The following FMNL3 variants were observed in gnomAD, a reference collection of about 807,000 sequenced individuals.
FMNL3 encodes the protein formin like 3, also known as formin-like protein 3.
Under a neutral mutation model 119.6 loss-of-function variants are expected in FMNL3, and 57 were observed. The ratio of observed to expected loss-of-function variants is 0.48; its 90% CI spans 0.39 to 0.59. FMNL3 has a LOEUF of 0.59. Among genes scored for constraint, FMNL3 ranks in the 20% least tolerant of loss-of-function variants. FMNL3 has a pLI of 0.00. For synonymous variants in FMNL3, 491 were observed against 507.3 expected, an observed-to-expected ratio of 0.97 and a Z score of 0.43; for missense variants, 1,053 against 1,323.5, an observed-to-expected ratio of 0.80 and a Z score of 3.17.
rs1592630708 is a variant in FMNL3 at position 49,644,625 on chromosome 12, GTTTTGTT to G, written c.*1183_*1189del. ...TCCACCCAGGACCTAATGTACGTGTGTTTTGTTTTTTGTTTTTTAAATAACAATATTT... is the reference window on the plus strand; with the variant it reads ...TCCACCCAGGACCTAATGTACGTGTGTTTTGTTTTTTAAATAACAATATTT... On this transcript the variant is annotated 3_prime_UTR_variant, in exon 26 of 26. Transcript: ENST00000335154. 1 of 188,684 alleles carries G rather than the reference GTTTTGTT, an allele frequency of 5.3e-6. No individual in the cohort carries two copies. The highest frequency in any genetic ancestry group is 1.1e-5 in the Non-Finnish European group (1 of 88,328). The allele number at this position is 188,684 out of a possible 1,614,324, so 11.7% of individuals were successfully genotyped here.
rs201316473 is a variant in FMNL3, at chr12:49,652,033, G to A, written c.1503C>T (p.Ser501=). The change falls in exon 14 of 26, where the codon TCC becomes TCT. Residue 501 remains serine (S), a synonymous_variant. Coordinates refer to ENST00000335154, the MANE Select transcript of FMNL3 (RefSeq NM_175736.5). ...PAELSEGMPP[S]DLDLLAPAPP... ...GGGCTGGAGCCAGAAGGTCCAGGTC[G>A]GAGGGTGGCATGCCCTCACTCAGCT... The A allele has an allele frequency of 1.9e-5, 31 of 1,609,588 alleles. No homozygotes were observed. The highest frequency in any genetic ancestry group is 4.5e-5 in the East Asian group (2 of 44,792).
chr12:49,656,971 G>A (rs1026578486), intron 7 of FMNL3, 72 bp from the exon 8 acceptor site: 11 of 1,527,020 alleles, frequency 7.2e-6, no homozygotes, highest in Admixed American at 1.7e-5. Flanking sequence ...CTCCTTGACC[G>A]TAGGCCCACC....
At chr12:49,690,103 C>T (rs982193299) in intron 1 of FMNL3, among the ~76,000 whole-genome samples, 6 of 152,188 alleles carry the variant, frequency 3.9e-5, no homozygotes, top group African/African-American at 1.2e-4. Flanking sequence ...ACAGTATTCC[C>T]ACATTACAGA....
Position 49,651,307 on chromosome 12 carries a change from G to A in FMNL3, c.1673-15C>T. The A allele has an allele frequency of 6.2e-7, 1 of 1,609,672 alleles. No homozygotes were observed. Among genetic ancestry groups the A allele is most frequent in the Non-Finnish European group, 8.5e-7 (1 of 1,176,216 alleles). On this transcript the variant is annotated splice_polypyrimidine_tract_variant and intron_variant, in intron 15 of 25. Transcript: ENST00000335154. Reference sequence around the variant, plus strand: ...AATTCGAATGGCTAATTTGGAAGGAGGATCAGTGACACAGGGGCCAAGGAC... The same window carrying A: ...AATTCGAATGGCTAATTTGGAAGGAAGATCAGTGACACAGGGGCCAAGGAC...
chr12:49,695,504 CTG>C (rs1450205486), intron 1 of FMNL3, among the ~76,000 whole-genome samples: 1 of 152,136 alleles, frequency 6.6e-6, no homozygotes, highest in Non-Finnish European at 1.5e-5. Context: ...TTCATATTGC[CTG>C]TAAAAAAACA....
At position 49,645,814 on chromosome 12, in the gene FMNL3, C is replaced by T; in HGVS notation, c.*1G>A. Reference sequence around the variant, plus strand: ...GAAGTGCTTCTGCCTCCGAGAGGGTCTCAGTGGGGGCCTGGAGCCCGAGGG... The same window carrying T: ...GAAGTGCTTCTGCCTCCGAGAGGGTTTCAGTGGGGGCCTGGAGCCCGAGGG... On this transcript the variant is annotated 3_prime_UTR_variant, in exon 26 of 26. Transcript: ENST00000335154. The T allele has an allele frequency of 1.3e-6, 2 of 1,598,404 alleles. No homozygotes were observed. Among genetic ancestry groups the T allele is most frequent in the African/African-American group, 1.4e-5 (1 of 73,396 alleles).
chr12:49,653,916 C>G (rs760212217), intron 11 of FMNL3, 42 bp from the exon 12 acceptor site: 1 of 1,604,860 alleles, frequency 6.2e-7, no homozygotes, highest in Non-Finnish European at 8.5e-7. Flanking sequence ...TAGGAGCAGG[C>G]AGATCATCAG....
At position 49,679,932 on chromosome 12, in the gene FMNL3, C is replaced by T. The variant is rs1201135229; in HGVS notation, c.127-11378G>A. 3.3e-5 allele frequency among the ~76,000 whole-genome samples: 5 copies of T among 152,242 alleles called. No individual in the cohort carries two copies. In the East Asian group the frequency reaches 9.6e-4, roughly 29 times the overall value. ...GGAACCTGAAGCTTATAAACATCTA[C>T]TCTGGGCCAGGATGATGCTAGACCC... On this transcript the variant is annotated intron_variant, in intron 1 of 25. Transcript: ENST00000335154.
intron 1 of FMNL3, among the ~76,000 whole-genome samples, chr12:49,679,859 G>A (rs563637814): frequency 2.8e-4 from 43 of 152,256 alleles, no homozygotes; most frequent in African/African-American, 9.6e-4. Context: ...TGCGCCAACT[G>A]GGGGACCTGT....
chr12:49,645,966 G>A, intron 25 of FMNL3, 63 bp from the exon 26 acceptor site: 1 of 1,474,320 alleles, frequency 6.8e-7, no homozygotes, highest in Non-Finnish European at 9.3e-7. Context: ...GTGCCCTCAA[G>A]AGCAGCCCCA....
At position 49,643,214 on chromosome 12, in the gene FMNL3, T is replaced by C; in HGVS notation, c.*2601A>G. The C allele has an allele frequency of 6.2e-7, 1 of 1,613,898 alleles. No individual in the cohort carries two copies. The highest frequency in any genetic ancestry group is 8.5e-7 in the Non-Finnish European group (1 of 1,179,962). ...CTCTGCACTGACATGTATCTGCTGA[T>C]CTGCCCAGGGCTCTGAGTCAGAAGA... On this transcript the variant is annotated 3_prime_UTR_variant, in exon 26 of 26. Transcript: ENST00000335154.
intron 1 of FMNL3, among the ~76,000 whole-genome samples, chr12:49,674,653 A>C (rs1177129871): frequency 6.6e-6 from 1 of 152,326 alleles, no homozygotes; most frequent in African/African-American, 2.4e-5. Context: ...GGTGCTCCTT[A>C]AGTGTCTGTA....
Position 49,663,193 on chromosome 12 carries a change from C to T in FMNL3, c.369-1144G>A, listed in dbSNP as rs536907209. ...TTTCCTGTCTGTCTGCTCTCCAGCT[C>T]CCCACCCCCTTCTCATTTCCTGTCT... On this transcript the variant is annotated intron_variant, in intron 4 of 25. Transcript: ENST00000335154. Among the ~76,000 whole-genome samples the T allele has an allele frequency of 8.5e-5, 13 of 152,314 alleles. No homozygotes were observed. In the South Asian group the frequency reaches 2.5e-3, roughly 29 times the overall value.
chr12:49,692,764 G>T (rs1944640192), intron 1 of FMNL3, among the ~76,000 whole-genome samples: 1 of 152,140 alleles, frequency 6.6e-6, no homozygotes, highest in South Asian at 2.1e-4. Flanking sequence ...CAATCTGGGA[G>T]ATGCATAATA....
rs1299424478 is a variant in FMNL3, at chr12:49,644,073, G to C, written c.*1742C>G. On this transcript the variant is annotated 3_prime_UTR_variant, in exon 26 of 26. Coordinates refer to ENST00000335154, the MANE Select transcript of FMNL3 (RefSeq NM_175736.5). Reference sequence around the variant, plus strand: ...TTCCACGGCCCTTAGTGCAGGCTAAGGGTGAACTGTGCCTTTGCTCCAACA... The same window carrying C: ...TTCCACGGCCCTTAGTGCAGGCTAACGGTGAACTGTGCCTTTGCTCCAACA... The C allele has an allele frequency of 3.7e-6, 6 of 1,614,196 alleles. No homozygotes were observed. Among genetic ancestry groups the C allele is most frequent in the Non-Finnish European group, 5.1e-6 (6 of 1,180,044 alleles).
At chr12:49,664,935 C>A (rs977342226) in intron 4 of FMNL3, among the ~76,000 whole-genome samples, 14 of 151,986 alleles carry the variant, frequency 9.2e-5, no homozygotes, top group African/African-American at 3.4e-4. Context: ...CCCACCCCCA[C>A]CTGGGCCTCC....
intron 1 of FMNL3, among the ~76,000 whole-genome samples, chr12:49,697,652 AT>A (rs1944786418): frequency 6.6e-6 from 1 of 152,216 alleles, no homozygotes; most frequent in Non-Finnish European, 1.5e-5. Flanking sequence ...ACTTTAAATT[AT>A]GGAATTCTGA....
intron 1 of FMNL3, among the ~76,000 whole-genome samples, chr12:49,680,250 C>T (rs986570256): frequency 6.6e-6 from 1 of 152,206 alleles, no homozygotes; most frequent in Non-Finnish European, 1.5e-5. Context: ...TATTATAAAG[C>T]CATAAAACTT....
chr12:49,666,234 T>C (rs759088317), intron 2 of FMNL3, 27 bp from the exon 3 acceptor site: 2 of 1,598,618 alleles, frequency 1.3e-6, no homozygotes, highest in African/African-American at 1.3e-5. Flanking sequence ...CATATGCGTA[T>C]CCACAAAGAC....
Sources: allele counts gnomAD v4.1 joint callset (sites outside exome capture counted in the v4.1 genomes callset), GRCh38; gene constraint gnomAD v4.1.1; transcripts MANE v1.5; gene names NCBI Gene and HGNC (gene_info 2026-07-23, HGNC 2026-07-21).